The following RBFOX3 variants were observed in gnomAD, a reference collection of about 807,000 sequenced individuals.
RBFOX3 encodes RNA binding fox-1 homolog 3.
A neutral mutation model predicts 48.7 loss-of-function variants in RBFOX3; 17 were observed. The observed-to-expected ratio is 0.35, with a 90% confidence interval of 0.24 to 0.52. The LOEUF (loss-of-function observed/expected upper bound fraction) is 0.52, where lower values mean the gene tolerates loss of function less well. RBFOX3 is among the 20% of genes least tolerant of loss of function. RBFOX3 has a pLI of 0.94. For missense variants in RBFOX3, 382 were observed against 497.5 expected (o/e 0.77, Z 2.21); for synonymous variants, 212 against 209.5 (o/e 1.01, Z -0.10).
intron 2 of RBFOX3, among the ~76,000 whole-genome samples, chr17:79,359,686 G>A (rs1032320520): frequency 1.3e-5 from 2 of 152,140 alleles, no homozygotes; most frequent in African/African-American, 4.8e-5. Context: ...GGGCCTCTTG[G>A]TGGCTCTGCC....
At position 79,498,868 on chromosome 17, in the gene RBFOX3, TCATCCATC is replaced by T. The variant is rs56766707; in HGVS notation, c.-319-16278_-319-16271del. Among the ~76,000 whole-genome samples the T allele has an allele frequency of 2.8e-3, 378 of 135,760 alleles. 6 individuals are homozygous for T. Among genetic ancestry groups the T allele is most frequent in the African/African-American group, 6.4e-3 (229 of 35,692 alleles). The allele number at this position is 135,760 out of a possible 152,430, so 89.1% of individuals were successfully genotyped here. A position where few individuals can be genotyped will look rare whatever the true frequency, so the allele number is the denominator to read the frequency against. ...CCACCCACCACATCTACCCATTCGC[TCATCCATC>T]CATCCATCCATCCATCCATCCATCC... On this transcript the variant is annotated intron_variant, in intron 1 of 14. Transcript: ENST00000693108.
intron 2 of RBFOX3, among the ~76,000 whole-genome samples, chr17:79,334,272 T>C (rs1015447376): frequency 1.4e-4 from 21 of 152,308 alleles, no homozygotes; most frequent in African/African-American, 5.1e-4. Flanking sequence ...GTGGCTTCAC[T>C]GGCACCCAAT....
In RBFOX3 at chr17:79,205,398, G is replaced by A. The variant is rs921723265; in HGVS notation, c.-34+30368C>T. Among the ~76,000 whole-genome samples the A allele has an allele frequency of 1.3e-5, 2 of 152,064 alleles. No individual in the cohort carries two copies. The highest frequency in any genetic ancestry group is 6.6e-5 in the Admixed American group (1 of 15,252). ...GGACCCATCCTGTGGTTTGTTCTCT[G>A]GTCTCTGAGTCTGCATTTGGATGGC... On this transcript the variant is annotated intron_variant, in intron 4 of 14. Coordinates refer to ENST00000693108, the MANE Select transcript of RBFOX3 (RefSeq NM_001350451.2). The surrounding 1 kb of genome is among the most constrained non-coding windows in gnomAD (Gnocchi z 4.5).
chr17:79,314,721 G>T (rs1256763025), intron 2 of RBFOX3, among the ~76,000 whole-genome samples: 2 of 152,216 alleles, frequency 1.3e-5, no homozygotes, highest in Admixed American at 6.5e-5. Context: ...GGCCATGCAT[G>T]TGCATTTGAA....
At chr17:79,266,839 G>C (rs532294235) in intron 3 of RBFOX3, among the ~76,000 whole-genome samples, 1 of 152,062 alleles carries the variant, frequency 6.6e-6, no homozygotes. Flanking sequence ...TGGCGAACAC[G>C]TGGGTGTGCC....
intron 2 of RBFOX3, among the ~76,000 whole-genome samples, chr17:79,439,658 G>T (rs2070406281): frequency 6.6e-6 from 1 of 152,250 alleles, no homozygotes; most frequent in South Asian, 2.1e-4. Context: ...GTATGTCCAT[G>T]CATGTGCAAG....
Position 79,405,295 on chromosome 17 carries a change from G to A in RBFOX3, c.-175+77159C>T, listed in dbSNP as rs750955095. Among the ~76,000 whole-genome samples the A allele has an allele frequency of 1.2e-4, 18 of 152,128 alleles. No homozygotes were observed. In the South Asian group the frequency reaches 1.7e-3, roughly 14 times the overall value. On this transcript the variant is annotated intron_variant, in intron 2 of 14. Coordinates refer to ENST00000693108, the MANE Select transcript of RBFOX3 (RefSeq NM_001350451.2). The stretch of plus-strand genomic sequence containing the variant: ...AGCCCATCTCCACCCTCCGCCGCCC[G>A]ACAACCTAGTTTATTATTTTTGATG...
rs1426541670 is a variant in RBFOX3, at chr17:79,220,556, C to T, written c.-34+15210G>A. On this transcript the variant is annotated intron_variant, in intron 4 of 14. Transcript: ENST00000693108. This position sits in a 1 kb window ranked among gnomAD's most constrained non-coding sequence, Gnocchi z 5.9. ...ATCTCTGTTCAGAGTTGAACTACAGCGTCCTGATTCCAGCGCTCATCAAGC... is the reference window on the plus strand; with the variant it reads ...ATCTCTGTTCAGAGTTGAACTACAGTGTCCTGATTCCAGCGCTCATCAAGC... Among the ~76,000 whole-genome samples the T allele has an allele frequency of 6.6e-6, 1 of 152,000 alleles. No homozygotes were observed. The highest frequency in any genetic ancestry group is 2.4e-5 in the African/African-American group (1 of 41,342).
the RBFOX3 span, among the ~76,000 whole-genome samples, chr17:79,622,486 C>T: frequency 3.9e-5 from 6 of 152,198 alleles, no homozygotes; most frequent in African/African-American, 1.4e-4. Context: ...CTCAGGCCAC[C>T]GTCTCAGAGG....
At chr17:79,155,994 A>C (rs112295432) in intron 4 of RBFOX3, among the ~76,000 whole-genome samples, 15,249 of 151,806 alleles carry the variant, frequency 0.1, 1,082 homozygotes, top group African/African-American at 0.2. Context: ...CAAGTGCAGA[A>C]CCTCCCTGGC....
chr17:79,406,434 C>T (rs1021413801), intron 2 of RBFOX3, among the ~76,000 whole-genome samples: 4 of 152,158 alleles, frequency 2.6e-5, no homozygotes, highest in South Asian at 2.1e-4. Flanking sequence ...CCCTCCACTC[C>T]GTGTCCAGGC....
At chr17:79,190,012 G>A (rs543474505) in intron 4 of RBFOX3, among the ~76,000 whole-genome samples, 1 of 152,340 alleles carries the variant, frequency 6.6e-6, no homozygotes, top group Admixed American at 6.5e-5. Flanking sequence ...GCCCACCCAG[G>A]AGGCATGCAC....
At chr17:79,529,106 G>A (rs1174857589) in intron 1 of RBFOX3, among the ~76,000 whole-genome samples, 1 of 152,044 alleles carries the variant, frequency 6.6e-6, no homozygotes, top group East Asian at 1.9e-4. Context: ...AACACCGGAA[G>A]GACACTACTT....
chr17:79,254,213 C>T lies in RBFOX3; in HGVS notation c.-73-18408G>A, dbSNP rs918774265. ...AGTTCATGAGAGTGAAAGTGATTTT[C>T]CAGAAGGTTCTCAGATGTCCTGGCT... On this transcript the variant is annotated intron_variant, in intron 3 of 14. Coordinates refer to ENST00000693108, the MANE Select transcript of RBFOX3 (RefSeq NM_001350451.2). This position sits in a 1 kb window ranked among gnomAD's most constrained non-coding sequence, Gnocchi z 4.8. Among the ~76,000 whole-genome samples, 4 of 152,188 alleles carry T rather than the reference C, an allele frequency of 2.6e-5. No individual in the cohort carries two copies. Among genetic ancestry groups the T allele is most frequent in the Non-Finnish European group, 5.9e-5 (4 of 68,022 alleles).
chr17:79,547,634 C>T (rs1225888316), intron 1 of RBFOX3, among the ~76,000 whole-genome samples: 7 of 152,188 alleles, frequency 4.6e-5, no homozygotes, highest in African/African-American at 1.4e-4. Context: ...ATTGTGTGTG[C>T]TTCACTTTCG....
the RBFOX3 span, among the ~76,000 whole-genome samples, chr17:79,658,736 G>A: frequency 5.7e-4 from 86 of 152,126 alleles, no homozygotes; most frequent in African/African-American, 8.7e-4. Flanking sequence ...CACTGTCATC[G>A]CCTCAGGAGA....
At chr17:79,505,254 C>G (rs1343599642) in intron 1 of RBFOX3, among the ~76,000 whole-genome samples, 1 of 152,164 alleles carries the variant, frequency 6.6e-6, no homozygotes, top group African/African-American at 2.4e-5. Context: ...CCCACCACAC[C>G]CCCGCTTTAA....
At position 79,297,932 on chromosome 17, in the gene RBFOX3, G is replaced by A. The variant is rs202039402; in HGVS notation, c.-74+9792C>T. On this transcript the variant is annotated intron_variant, in intron 3 of 14. Coordinates refer to ENST00000693108, the MANE Select transcript of RBFOX3 (RefSeq NM_001350451.2). ...AAAAAGCCTATGAATTACCAACAAC[G>A]CGTGTGTCTGGGAAGATGTAACGGG... 7.2e-5 allele frequency among the ~76,000 whole-genome samples: 11 copies of A among 152,346 alleles called. No homozygotes were observed. The East Asian group carries it at 9.6e-4, about 13-fold the overall frequency.
intron 1 of RBFOX3, among the ~76,000 whole-genome samples, chr17:79,496,394 C>G (rs1174107327): frequency 6.6e-6 from 1 of 152,180 alleles, no homozygotes; most frequent in Non-Finnish European, 1.5e-5. Context: ...CTCTTCCTCT[C>G]TCTAGGCCTA....
Sources: allele counts gnomAD v4.1 joint callset (sites outside exome capture counted in the v4.1 genomes callset), GRCh38; gene constraint gnomAD v4.1.1; non-coding constraint Gnocchi (gnomAD v3.1); transcripts MANE v1.5; gene names NCBI Gene and HGNC (gene_info 2026-07-23, HGNC 2026-07-21).